Variants in SLC22A23 observed in about 807,000 individuals in gnomAD.
SLC22A23 encodes the protein solute carrier family 22 member 23, also known as ion transporter protein.
A neutral mutation model predicts 61.0 loss-of-function variants in SLC22A23; 26 were observed. The ratio of observed to expected loss-of-function variants is 0.43; its 90% CI spans 0.31 to 0.59. SLC22A23 has a LOEUF of 0.59. Among genes scored for constraint, SLC22A23 ranks in the 20% least tolerant of loss-of-function variants. The pLI, the probability that SLC22A23 is intolerant of heterozygous loss-of-function variation, is 0.11. For synonymous variants in SLC22A23, 430 were observed against 413.9 expected (o/e 1.04, Z -0.47); for missense variants, 796 against 934.7 (o/e 0.85, Z 1.94).
At chr6:3,392,968 A>G (rs1198552878) in intron 3 of SLC22A23, among the ~76,000 whole-genome samples, 1 of 152,192 alleles carries the variant, frequency 6.6e-6, no homozygotes, top group Non-Finnish European at 1.5e-5. Flanking sequence ...CAGAGAGTGT[A>G]GATGGAGAAA....
rs540058613 is a variant in SLC22A23, at chr6:3,357,699, G to A, written c.914-33697C>T. On this transcript the variant is annotated intron_variant, in intron 3 of 9. Coordinates refer to ENST00000406686, the MANE Select transcript of SLC22A23 (RefSeq NM_015482.2). ...TGACAAATAATGGAAAACAGAAGGC[G>A]GCTGTGTATAATGAATGCATTTCAT... Among the ~76,000 whole-genome samples the A allele has an allele frequency of 1.6e-4, 25 of 152,284 alleles. No individual in the cohort carries two copies. In the South Asian group the frequency reaches 5.0e-3, roughly 30 times the overall value.
rs1302911716 is a variant in SLC22A23 at position 3,390,954 on chromosome 6, TGAATG to T, written c.913+19229_913+19233del. On this transcript the variant is annotated intron_variant, in intron 3 of 9. Coordinates refer to ENST00000406686, the MANE Select transcript of SLC22A23 (RefSeq NM_015482.2). This position sits in a 1 kb window ranked among gnomAD's most constrained non-coding sequence, Gnocchi z 4.0. ...TTTTCCGTGAATTTGGTCAACTGCC[TGAATG>T]GAATGAAGAGAATCATACCCTGACT... Among the ~76,000 whole-genome samples the T allele has an allele frequency of 7.4e-4, 113 of 152,314 alleles. No individual in the cohort carries two copies. Among genetic ancestry groups the T allele is most frequent in the African/African-American group, 2.6e-3 (109 of 41,568 alleles).
intron 1 of SLC22A23, among the ~76,000 whole-genome samples, chr6:3,441,415 A>T (rs1286093710): frequency 6.6e-6 from 1 of 152,110 alleles, no homozygotes; most frequent in East Asian, 1.9e-4. Flanking sequence ...ATGGCTTTGT[A>T]GGGGGGCCTT....
In SLC22A23 at chr6:3,270,954, T is replaced by C. The variant is rs900999435; in HGVS notation, c.*2101A>G. 6.6e-6 allele frequency: 1 copy of C among 152,396 alleles called. No homozygotes were observed. The highest frequency in any genetic ancestry group is 2.4e-5 in the African/African-American group (1 of 41,418). 9.4% of individuals were successfully genotyped at this position (152,396 alleles called of 1,614,324 possible). On this transcript the variant is annotated 3_prime_UTR_variant, in exon 10 of 10. Transcript: ENST00000406686. ...CAGGGTGGCCTGGTGCTGAGGGTGA[T>C]GGGTGCAGACGTACACCTGTCCAGG...
At chr6:3,453,416 G>A (rs553995869) in intron 1 of SLC22A23, among the ~76,000 whole-genome samples, 2 of 152,236 alleles carry the variant, frequency 1.3e-5, no homozygotes, top group Non-Finnish European at 2.9e-5. Context: ...AAACTAGGAT[G>A]GATAACTTCA....
intron 5 of SLC22A23, chr6:3,290,736 G>A (rs576499298): frequency 6.6e-6 from 1 of 152,666 alleles, no homozygotes; most frequent in South Asian, 2.1e-4. Flanking sequence ...TGGGGGTGCT[G>A]GCCTCCAGGA....
chr6:3,451,630 T>C (rs1772160498), intron 1 of SLC22A23, among the ~76,000 whole-genome samples: 1 of 152,220 alleles, frequency 6.6e-6, no homozygotes, highest in Non-Finnish European at 1.5e-5. Context: ...GGAATGCTGG[T>C]GTGGGAGAAG....
rs1228729404 is a variant in SLC22A23, at chr6:3,414,505, CACAT to C, written c.758+1243_758+1246del. On this transcript the variant is annotated intron_variant, in intron 2 of 9. Transcript: ENST00000406686. This position sits in a 1 kb window ranked among gnomAD's most constrained non-coding sequence, Gnocchi z 5.1. ...GGCAGATGTCAAGCACACAGGAAAT[CACAT>C]TACATGTCAGCTCAAGGAACTCCCA... 1.3e-5 allele frequency among the ~76,000 whole-genome samples: 2 copies of C among 152,032 alleles called. No homozygotes were observed. Among genetic ancestry groups the C allele is most frequent in the Non-Finnish European group, 2.9e-5 (2 of 68,012 alleles).
chr6:3,413,942 A>C (rs1415405830), intron 2 of SLC22A23, among the ~76,000 whole-genome samples: 3 of 152,198 alleles, frequency 2.0e-5, no homozygotes, highest in Non-Finnish European at 4.4e-5. Flanking sequence ...TCTGAGGAGG[A>C]ACCTCAGAAA....
chr6:3,369,924 A>G (rs1163378790), intron 3 of SLC22A23, among the ~76,000 whole-genome samples: 1 of 152,246 alleles, frequency 6.6e-6, no homozygotes, highest in East Asian at 1.9e-4. Flanking sequence ...ATATCTCCAC[A>G]TTCAAGAGAA....
chr6:3,407,914 C>T (rs1376170405), intron 3 of SLC22A23, among the ~76,000 whole-genome samples: 1 of 152,120 alleles, frequency 6.6e-6, no homozygotes, highest in African/African-American at 2.4e-5. Flanking sequence ...TAAGATGAAA[C>T]TAGGAGAGAG....
chr6:3,444,813 G>T (rs1490969728), intron 1 of SLC22A23: 1 of 985,656 alleles, frequency 1.0e-6, no homozygotes. Flanking sequence ...TGTCTGAAGG[G>T]CATACCTGGC....
chr6:3,324,326 C>G lies in SLC22A23; in HGVS notation c.914-324G>C, dbSNP rs1021129860. On this transcript the variant is annotated intron_variant, in intron 3 of 9. Transcript: ENST00000406686. This position sits in a 1 kb window ranked among gnomAD's most constrained non-coding sequence, Gnocchi z 4.3. Reference sequence around the variant, plus strand: ...TCGCCCATTGTTCCTGCTTCCTCTGCTCTCCAGACGTCACTGAGCTTGCTG... The same window carrying G: ...TCGCCCATTGTTCCTGCTTCCTCTGGTCTCCAGACGTCACTGAGCTTGCTG... 1.2e-5 allele frequency: 4 copies of G among 324,516 alleles called. No individual in the cohort carries two copies. The Admixed American group carries it at 1.7e-4, about 14-fold the overall frequency. The allele number at this position is 324,516 out of a possible 1,614,324, so 20.1% of individuals were successfully genotyped here. A position where few individuals can be genotyped will look rare whatever the true frequency, so the allele number is the denominator to read the frequency against.
Position 3,273,250 on chromosome 6 carries a change from C to T in SLC22A23, c.1866G>A (p.Arg622=), listed in dbSNP as rs778308300. The T allele has an allele frequency of 1.3e-5, 21 of 1,613,020 alleles. No homozygotes were observed. Among genetic ancestry groups the T allele is most frequent in the Non-Finnish European group, 1.8e-5 (21 of 1,179,300 alleles). The part of the protein sequence containing the change: ...IICILLLPES[R]DQNLPENISN... ...AAATGTTCTCAGGCAGGTTCTGGTC[C>T]CTGCTCTCGGGCAGCAGGAGGATGC... The change falls in exon 10 of 10, where the codon AGG becomes AGA. Residue 622 remains arginine, a synonymous_variant. Transcript: ENST00000406686.
intron 6 of SLC22A23, among the ~76,000 whole-genome samples, chr6:3,288,104 C>T (rs544398150): frequency 1.4e-4 from 22 of 152,330 alleles, no homozygotes; most frequent in African/African-American, 5.1e-4. Flanking sequence ...AAAACAGGAA[C>T]AAAGGCGTGG....
intron 1 of SLC22A23, chr6:3,444,705 G>T: frequency 1.3e-6 from 1 of 764,358 alleles, no homozygotes; most frequent in Non-Finnish European, 1.6e-6. Context: ...CTGTGGCCCG[G>T]TGACCTGTTT....
Position 3,386,636 on chromosome 6 carries a change from C to T in SLC22A23, c.913+23552G>A, listed in dbSNP as rs991602785. 6.6e-5 allele frequency among the ~76,000 whole-genome samples: 10 copies of T among 152,330 alleles called. No individual in the cohort carries two copies. In the South Asian group the frequency reaches 1.2e-3, roughly 19 times the overall value. ...CTGGGGACAGCCCGAGAGCTCAGAA[C>T]GGCCTTCCAGGGCCAACCCTCTTGC... On this transcript the variant is annotated intron_variant, in intron 3 of 9. Coordinates refer to ENST00000406686, the MANE Select transcript of SLC22A23 (RefSeq NM_015482.2). This position sits in a 1 kb window ranked among gnomAD's most constrained non-coding sequence, Gnocchi z 4.4.
chr6:3,408,072 A>T (rs978207035), intron 3 of SLC22A23, among the ~76,000 whole-genome samples: 2 of 152,222 alleles, frequency 1.3e-5, no homozygotes, highest in Admixed American at 6.5e-5. Flanking sequence ...GCTCATTTAC[A>T]TATTCTTTAT....
rs577058398 is a variant in SLC22A23, at chr6:3,309,042, G to A, written c.1083-10824C>T. ...GCTTCAATTAATCTTAAAAAGAGCC[G>A]AGGGCTGGGCGCTTTGGGAGGCTGA... On this transcript the variant is annotated intron_variant, in intron 4 of 9. Transcript: ENST00000406686. The surrounding 1 kb of genome is among the most constrained non-coding windows in gnomAD (Gnocchi z 4.7). Among the ~76,000 whole-genome samples the A allele has an allele frequency of 3.3e-5, 5 of 151,854 alleles. No individual in the cohort carries two copies. Among genetic ancestry groups the A allele is most frequent in the Non-Finnish European group, 7.4e-5 (5 of 67,984 alleles).
Sources: allele counts gnomAD v4.1 joint callset (sites outside exome capture counted in the v4.1 genomes callset), GRCh38; gene constraint gnomAD v4.1.1; non-coding constraint Gnocchi (gnomAD v3.1); transcripts MANE v1.5; gene names NCBI Gene and HGNC (gene_info 2026-07-23, HGNC 2026-07-21).